The following UGT2A2 variants were observed in gnomAD, a reference collection of about 807,000 sequenced individuals.
UGT2A2 encodes the protein UDP-glucuronosyltransferase 2A2.
In UGT2A2, 60 loss-of-function variants were observed where a neutral mutation model predicts 50.7. The ratio of observed to expected loss-of-function variants is 1.18; its 90% confidence interval spans 0.96 to 1.47. The LOEUF is 1.47. Ranked by LOEUF, UGT2A2 falls within the 40% of genes most tolerant of loss-of-function variation. The probability of loss-of-function intolerance (pLI) is 0.00; values close to 1 mark genes in which losing one functional copy is unlikely to be tolerated. For synonymous variants in UGT2A2, 242 were observed against 214.6 expected (o/e 1.13, Z -1.11); for missense variants, 762 against 634.0 (o/e 1.20, Z -2.17).
At chr4:69,611,457 T>G (rs762007994) in intron 1 of UGT2A2, among the ~76,000 whole-genome samples, 3 of 151,834 alleles carry the variant, frequency 2.0e-5, no homozygotes, top group Non-Finnish European at 4.4e-5. Flanking sequence ...AAAAAAAAAC[T>G]AATAAATGTA....
At chr4:69,590,119 T>C (rs546376793) in intron 5 of UGT2A2, among the ~76,000 whole-genome samples, 1 of 152,338 alleles carries the variant, frequency 6.6e-6, no homozygotes, top group South Asian at 2.1e-4. Context: ...TTCTAAGATG[T>C]AGGCATTGTG....
intron 1 of UGT2A2, among the ~76,000 whole-genome samples, chr4:69,620,237 T>C (rs575686709): frequency 2.0e-5 from 3 of 151,974 alleles, no homozygotes; most frequent in African/African-American, 2.4e-5. Flanking sequence ...GAAAACCCCA[T>C]AGTCTCAGCC....
At chr4:69,589,779 CA>C in intron 5 of UGT2A2, 128 bp from the exon 6 acceptor site, 1 of 1,344,536 alleles carries the variant, frequency 7.4e-7, no homozygotes, top group Admixed American at 2.8e-5. Flanking sequence ...ATAATTCTTG[CA>C]TGAACTTTGT....
chr4:69,636,228 G>A (rs926828573), intron 1 of UGT2A2, among the ~76,000 whole-genome samples: 5 of 152,022 alleles, frequency 3.3e-5, no homozygotes, highest in South Asian at 2.1e-4. Context: ...TAATGGAAAC[G>A]CCACAAAAAT....
In UGT2A2 at chr4:69,607,310, A is replaced by C. The variant is rs979130479; in HGVS notation, c.743-7916T>G. Among the ~76,000 whole-genome samples, 9 of 151,394 alleles carry C rather than the reference A, an allele frequency of 5.9e-5. 1 individual carries two copies. Among genetic ancestry groups the C allele is most frequent in the East Asian group, 5.8e-4 (3 of 5,156 alleles). On this transcript the variant is annotated intron_variant, in intron 1 of 5. Transcript: ENST00000604629. ...CTTTGACAAACCTGACAAAAACAAG[A>C]AATGGGGAAATGATTCCCTATTTAA...
At chr4:69,600,875 C>T (rs1835821) in intron 1 of UGT2A2, among the ~76,000 whole-genome samples, 38,639 of 151,620 alleles carry the variant, frequency 0.25, 5,426 homozygotes, top group African/African-American at 0.37. Context: ...GGGAGGATGG[C>T]GCTAAACCTT....
intron 1 of UGT2A2, among the ~76,000 whole-genome samples, chr4:69,626,153 T>A (rs771604736): frequency 3.9e-4 from 59 of 150,316 alleles, no homozygotes; most frequent in Non-Finnish European, 6.5e-4. Context: ...TACTGGGCTA[T>A]TTTTTTTTAA....
chr4:69,623,650 C>A (rs1420863209), intron 1 of UGT2A2, among the ~76,000 whole-genome samples: 1 of 150,858 alleles, frequency 6.6e-6, no homozygotes, highest in Non-Finnish European at 1.5e-5. Flanking sequence ...AAATGAGCAG[C>A]CAAGGTATAA....
intron 5 of UGT2A2, among the ~76,000 whole-genome samples, chr4:69,593,994 A>G (rs1482819311): frequency 9.7e-6 from 1 of 103,164 alleles, no homozygotes; most frequent in African/African-American, 3.8e-5. Flanking sequence ...TTTTTTTTTG[A>G]GACTGAGTCT....
chr4:69,601,763 G>C (rs1325835865), intron 1 of UGT2A2, among the ~76,000 whole-genome samples: 2 of 86,328 alleles, frequency 2.3e-5, no homozygotes, highest in Non-Finnish European at 4.6e-5. Context: ...GGAGACTAGA[G>C]GACAGGTCAT....
chr4:69,595,128 C>G (rs751457830), intron 4 of UGT2A2, 34 bp downstream of exon 4: 1 of 1,610,946 alleles, frequency 6.2e-7, no homozygotes, highest in East Asian at 2.2e-5. Flanking sequence ...GTCTATTGTC[C>G]CACTGTACAG....
intron 3 of UGT2A2, among the ~76,000 whole-genome samples, chr4:69,595,661 G>C (rs956269362): frequency 6.6e-6 from 1 of 152,094 alleles, no homozygotes; most frequent in Non-Finnish European, 1.5e-5. Context: ...ATGCAAAATT[G>C]TAGAGATAAA....
chr4:69,606,117 C>CA (rs200344288), intron 1 of UGT2A2, among the ~76,000 whole-genome samples: 31,955 of 134,048 alleles, frequency 0.24, 8,339 homozygotes, highest in Non-Finnish European at 0.29. Flanking sequence ...AGAGACACAA[C>CA]AAAAAAAGAG....
chr4:69,627,153 A>G (rs1232456267), intron 1 of UGT2A2, among the ~76,000 whole-genome samples: 1 of 151,934 alleles, frequency 6.6e-6, no homozygotes, highest in Non-Finnish European at 1.5e-5. Context: ...ATTTTCTATT[A>G]TCTATTTCTA....
Position 69,624,660 on chromosome 4 carries a change from C to G in UGT2A2, c.742+14239G>C, listed in dbSNP as rs1002579829. Among the ~76,000 whole-genome samples the G allele has an allele frequency of 6.8e-4, 102 of 150,994 alleles. 1 individual carries two copies. Among genetic ancestry groups the G allele is most frequent in the African/African-American group, 2.4e-3 (99 of 41,330 alleles). ...TTGTTGTGGTTGTGTGTAAAATTTG[C>G]AATTAGTATCATTTTTAGCATAACA... On this transcript the variant is annotated intron_variant, in intron 1 of 5. Coordinates refer to ENST00000604629, the MANE Select transcript of UGT2A2 (RefSeq NM_001105677.2).
chr4:69,602,124 T>A (rs1233759254), intron 1 of UGT2A2, among the ~76,000 whole-genome samples: 2 of 136,810 alleles, frequency 1.5e-5, no homozygotes, highest in Non-Finnish European at 3.1e-5. Flanking sequence ...GGACTCATTA[T>A]AGTAATGAAA....
intron 1 of UGT2A2, 118 bp downstream of exon 1, chr4:69,638,781 A>G: frequency 7.8e-7 from 1 of 1,277,096 alleles, no homozygotes; most frequent in Non-Finnish European, 1.1e-6. Context: ...GTACAGAGAT[A>G]TAAGAAGTCC....
rs1008433804 is a variant in UGT2A2, at chr4:69,603,681, C to T, written c.743-4287G>A. ...TTAAAAACCTTGAAAAAAAATTAGACGAATGGCTAACTAGAATCACCAATG... is the reference window on the plus strand; with the variant it reads ...TTAAAAACCTTGAAAAAAAATTAGATGAATGGCTAACTAGAATCACCAATG... On this transcript the variant is annotated intron_variant, in intron 1 of 5. Transcript: ENST00000604629. The T allele has an allele frequency of 4.4e-5, 6 of 135,768 alleles. 1 individual carries two copies. Among genetic ancestry groups the T allele is most frequent in the South Asian group, 4.9e-4 (2 of 4,104 alleles). The allele number at this position is 135,768 out of a possible 1,614,324, so 8.4% of individuals were successfully genotyped here.
At chr4:69,618,215 GTATGTT>G (rs373471357) in intron 1 of UGT2A2, among the ~76,000 whole-genome samples, 14 of 104,846 alleles carry the variant, frequency 1.3e-4, no homozygotes, top group African/African-American at 4.2e-4. Flanking sequence ...GTGTGTGTGT[GTATGTT>G]TGTGTGTGTG....
Sources: allele counts gnomAD v4.1 joint callset (sites outside exome capture counted in the v4.1 genomes callset), GRCh38; gene constraint gnomAD v4.1.1; transcripts MANE v1.5; gene names NCBI Gene and HGNC (gene_info 2026-07-23, HGNC 2026-07-21).